The following EDIL3 variants were observed in gnomAD, a reference collection of about 807,000 sequenced individuals.
EDIL3 encodes EGF like and discoidin domains 3.
Under a neutral mutation model 67.4 loss-of-function variants are expected in EDIL3, and 37 were observed. That is an observed-to-expected ratio of 0.55 (90% CI 0.42 to 0.72). The LOEUF (loss-of-function observed/expected upper bound fraction) is 0.72, where lower values mean the gene tolerates loss of function less well. Among genes scored for constraint, EDIL3 ranks in the 30% least tolerant of loss-of-function variants. EDIL3 has a pLI of 0.00. For missense variants in EDIL3, 527 were observed against 586.3 expected (o/e 0.90, Z 1.04); for synonymous variants, 195 against 196.3 (o/e 0.99, Z 0.05).
rs558345674 is a variant in EDIL3 at position 84,180,385 on chromosome 5, T to C, written c.355+8A>G. 16 of 1,579,882 alleles carry C rather than the reference T, an allele frequency of 1.0e-5. No individual in the cohort carries two copies. Among genetic ancestry groups the C allele is most frequent in the Non-Finnish European group, 1.4e-5 (16 of 1,166,496 alleles). The stretch of plus-strand genomic sequence containing the variant: ...ATAATAAAAGTACAATGACTATGAA[T>C]AACTTACTGTGCTGACAGTGAATCC... On this transcript the variant is annotated splice_region_variant and intron_variant, in intron 4 of 10. Transcript: ENST00000296591.
chr5:84,280,260 C>T (rs2112106146), intron 1 of EDIL3, among the ~76,000 whole-genome samples: 1 of 152,286 alleles, frequency 6.6e-6, no homozygotes, highest in South Asian at 2.1e-4. Context: ...TCCCCCAGGC[C>T]ATGACTGGTA....
At chr5:84,052,494 A>G (rs970952131) in intron 9 of EDIL3, among the ~76,000 whole-genome samples, 2 of 152,194 alleles carry the variant, frequency 1.3e-5, no homozygotes, top group Non-Finnish European at 2.9e-5. Flanking sequence ...AAATGCTCCA[A>G]TTAAAAGACA....
At chr5:84,165,570 T>C (rs16900942) in intron 4 of EDIL3, among the ~76,000 whole-genome samples, 2,078 of 152,116 alleles carry the variant, frequency 0.014, 48 homozygotes, top group African/African-American at 0.048. Flanking sequence ...AACTGGGAAA[T>C]AGTAGCTGAC....
At position 83,947,866 on chromosome 5, in the gene EDIL3, C is replaced by T. The variant is rs150818616; in HGVS notation, c.1294-4298G>A. Among the ~76,000 whole-genome samples, 118 of 151,926 alleles carry T rather than the reference C, an allele frequency of 7.8e-4. 1 individual carries two copies. Among genetic ancestry groups the T allele is most frequent in the African/African-American group, 2.6e-3 (109 of 41,502 alleles). On this transcript the variant is annotated intron_variant, in intron 10 of 10. Transcript: ENST00000296591. Reference sequence around the variant, plus strand: ...AAACCTCTCAAAAACTCAACTTCAGCGCTCTAGGCTAAACATTCATAGTTC... The same window carrying T: ...AAACCTCTCAAAAACTCAACTTCAGTGCTCTAGGCTAAACATTCATAGTTC...
chr5:84,252,493 C>CAAAAAA (rs70975548), intron 2 of EDIL3, among the ~76,000 whole-genome samples: 1,190 of 28,872 alleles, frequency 0.041, 217 homozygotes, highest in Middle Eastern at 0.062. Context: ...GACTCCGTCT[C>CAAAAAA]AAAAAAAAAA....
rs1744847409 is a variant in EDIL3 at position 83,974,519 on chromosome 5, A to G, written c.1138-11159T>C. 2.0e-5 allele frequency among the ~76,000 whole-genome samples: 3 copies of G among 152,052 alleles called. No homozygotes were observed. In the South Asian group the frequency reaches 6.2e-4, roughly 31 times the overall value. ...TTTGTTCAAAGATCAGAGTATACAT[A>G]TAGTAGGAATAAAAGGGATACGAAT... On this transcript the variant is annotated intron_variant, in intron 9 of 10. Transcript: ENST00000296591.
intron 10 of EDIL3, among the ~76,000 whole-genome samples, chr5:83,946,409 T>G (rs914974197): frequency 6.6e-6 from 1 of 151,950 alleles, no homozygotes; most frequent in Non-Finnish European, 1.5e-5. Flanking sequence ...CAAGGTACTT[T>G]GCAGAAGCTT....
chr5:84,299,003 C>T lies in EDIL3; in HGVS notation c.68-44791G>A, dbSNP rs1746102822. Among the ~76,000 whole-genome samples the T allele has an allele frequency of 7.2e-5, 11 of 152,300 alleles. No homozygotes were observed. The South Asian group carries it at 2.3e-3, about 32-fold the overall frequency. On this transcript the variant is annotated intron_variant, in intron 1 of 10. Coordinates refer to ENST00000296591, the MANE Select transcript of EDIL3 (RefSeq NM_005711.5). ...TACTGACTGCTCTAACATCTTTAAT[C>T]TCCAGCAAAGAAGGGAGCCATAACC... is the stretch of plus-strand genomic sequence containing the variant.
intron 9 of EDIL3, among the ~76,000 whole-genome samples, chr5:84,024,410 T>G (rs1561406715): frequency 6.6e-6 from 1 of 152,174 alleles, no homozygotes; most frequent in African/African-American, 2.4e-5. Context: ...TACATCAAGT[T>G]TTCAATCATT....
chr5:84,052,416 G>C (rs13170684), intron 9 of EDIL3, among the ~76,000 whole-genome samples: 1 of 151,542 alleles, frequency 6.6e-6, no homozygotes, highest in Admixed American at 6.6e-5. Context: ...GAGCAAAATA[G>C]CCAGCTAACA....
intron 9 of EDIL3, among the ~76,000 whole-genome samples, chr5:84,027,727 G>A (rs1433991777): frequency 1.3e-5 from 2 of 152,068 alleles, no homozygotes. Context: ...GGAGTGGGAT[G>A]AGAGAGGGAA....
intron 4 of EDIL3, among the ~76,000 whole-genome samples, chr5:84,154,837 T>C (rs1263422902): frequency 6.6e-6 from 1 of 151,574 alleles, no homozygotes; most frequent in African/African-American, 2.4e-5. Context: ...GTAGCTGGGA[T>C]TACAAGCGCC....
At chr5:83,945,899 G>C (rs1744300146) in intron 10 of EDIL3, among the ~76,000 whole-genome samples, 1 of 151,858 alleles carries the variant, frequency 6.6e-6, no homozygotes, top group Non-Finnish European at 1.5e-5. Flanking sequence ...ATTTTCAGAG[G>C]CCTCTCAGTA....
chr5:84,225,503 A>G (rs1346363687), intron 3 of EDIL3, among the ~76,000 whole-genome samples: 1 of 151,634 alleles, frequency 6.6e-6, no homozygotes, highest in East Asian at 1.9e-4. Flanking sequence ...CAGTTTTTCA[A>G]TAATTCAAAA....
At chr5:84,335,173 C>G (rs912169153) in intron 1 of EDIL3, among the ~76,000 whole-genome samples, 4 of 152,102 alleles carry the variant, frequency 2.6e-5, no homozygotes, top group African/African-American at 9.7e-5. Context: ...CCCGGCTGAA[C>G]CACCATATGT....
chr5:84,333,735 AT>A (rs1452560292), intron 1 of EDIL3, among the ~76,000 whole-genome samples: 1 of 152,208 alleles, frequency 6.6e-6, no homozygotes, highest in East Asian at 1.9e-4. Context: ...CTACTATAGC[AT>A]ACTTAATAGG....
At chr5:84,171,483 T>C (rs1748810265) in intron 4 of EDIL3, among the ~76,000 whole-genome samples, 1 of 152,160 alleles carries the variant, frequency 6.6e-6, no homozygotes, top group Non-Finnish European at 1.5e-5. Flanking sequence ...CTAAAAGTTG[T>C]TGCAGGGGGT....
At chr5:84,109,296 A>C (rs146946959) in intron 5 of EDIL3, among the ~76,000 whole-genome samples, 5 of 152,310 alleles carry the variant, frequency 3.3e-5, no homozygotes, top group African/African-American at 7.2e-5. Flanking sequence ...ACCTGAGGTC[A>C]GGAGTTTGAG....
intron 1 of EDIL3, among the ~76,000 whole-genome samples, chr5:84,311,467 G>T (rs1436677852): frequency 3.3e-5 from 5 of 151,782 alleles, no homozygotes; most frequent in African/African-American, 1.2e-4. Flanking sequence ...ATTTAGGAGG[G>T]GGCTGGGATG....
Sources: gnomAD v4.1 joint callset for allele counts (sites outside exome capture counted in the v4.1 genomes callset) on GRCh38, gnomAD v4.1.1 for gene constraint, MANE v1.5 for transcripts, NCBI Gene and HGNC (gene_info 2026-07-23, HGNC 2026-07-21) for gene names.